The following IL23R variants were observed in gnomAD, a reference collection of about 807,000 sequenced individuals.
The protein encoded by IL23R is interleukin 23 receptor, also known as interleukin-23 receptor.
IL23R carries 34 observed loss-of-function variants against 56.9 expected under a neutral mutation model. The observed-to-expected ratio is 0.60, with a 90% CI of 0.45 to 0.80. IL23R has a LOEUF of 0.80. Among genes scored for constraint, IL23R ranks in the 30% least tolerant of loss-of-function variants. The probability of loss-of-function intolerance (pLI) is 0.00; values close to 1 mark genes in which losing one functional copy is unlikely to be tolerated. For synonymous variants in IL23R, 230 were observed against 249.2 expected, an observed-to-expected ratio of 0.92 and a Z score of 0.73; for missense variants, 635 against 730.0, an observed-to-expected ratio of 0.87 and a Z score of 1.50.
chr1:67,174,263 C>A (rs903417831), intron 3 of IL23R, among the ~76,000 whole-genome samples: 11 of 151,928 alleles, frequency 7.2e-5, no homozygotes, highest in African/African-American at 2.7e-4. Flanking sequence ...CCAATTTGTA[C>A]TTCCACCAGA....
rs377517681 is a variant in IL23R at position 67,148,141 on chromosome 1, C to CT, written c.-634+8980_-634+8981insT. On this transcript the variant is annotated intron_variant, in intron 1 of 10. Coordinates refer to the IL23R transcript ENST00000637002. ...GGCGAGCCTCTAGCCCGATCCGCAG[C>CT]GGCGATGGGCGCCTCGCTGGGTCAG... is the stretch of plus-strand genomic sequence containing the variant. Among the ~76,000 whole-genome samples, 561 of 152,380 alleles carry CT rather than the reference C, an allele frequency of 3.7e-3. 3 individuals are homozygous for CT. The highest frequency in any genetic ancestry group is 0.013 in the African/African-American group (541 of 41,602).
At chr1:67,188,397 A>C (rs141947126) in intron 4 of IL23R, among the ~76,000 whole-genome samples, 13 of 152,328 alleles carry the variant, frequency 8.5e-5, no homozygotes, top group African/African-American at 3.1e-4. Context: ...AGGGCATTGT[A>C]AATGGAGTTG....
At chr1:67,147,863 C>A (rs1386790468) in intron 1 of IL23R, among the ~76,000 whole-genome samples, 1 of 152,170 alleles carries the variant, frequency 6.6e-6, no homozygotes, top group Admixed American at 6.5e-5. Flanking sequence ...CCCGACATCC[C>A]TTTGTTACTG....
intron 5 of IL23R, among the ~76,000 whole-genome samples, chr1:67,201,316 G>A (rs1648616479): frequency 6.6e-6 from 1 of 151,632 alleles, no homozygotes; most frequent in African/African-American, 2.4e-5. Flanking sequence ...GCTGAGGCAG[G>A]AGAATTGCTT....
rs545141199 is a variant in IL23R at position 67,219,691 on chromosome 1, C to A, written c.916C>A (p.Pro306Thr). 4 of 1,613,984 alleles carry A rather than the reference C, an allele frequency of 2.5e-6. No homozygotes were observed. Among genetic ancestry groups the A allele is most frequent in the Non-Finnish European group, 3.4e-6 (4 of 1,179,904 alleles). The change falls in exon 7 of 11, where the codon CCT (proline) becomes ACT (threonine). Residue 306 changes from proline (P) to threonine (T), a missense_variant. Transcript: ENST00000347310. Reference sequence around the variant, plus strand: ...AGAAACAGGCAAAAGGTACTGGCAGCCTTGGAGTTCACTGTTTTTTCATAA... The same window carrying A: ...AGAAACAGGCAAAAGGTACTGGCAGACTTGGAGTTCACTGTTTTTTCATAA... ...CQETGKRYWQ[P>T]WSSLFFHKTP...
intron 3 of IL23R, among the ~76,000 whole-genome samples, chr1:67,175,819 G>A (rs552421573): frequency 2.6e-5 from 4 of 152,258 alleles, no homozygotes; most frequent in Admixed American, 1.3e-4. Context: ...AAGGCAAAGA[G>A]GTTTCTTTTC....
chr1:67,198,627 T>C (rs1648363360), intron 4 of IL23R, among the ~76,000 whole-genome samples: 1 of 152,106 alleles, frequency 6.6e-6, no homozygotes, highest in African/African-American at 2.4e-5. Flanking sequence ...AACCTGTCAT[T>C]AGGTCCAGTC....
intron 9 of IL23R, among the ~76,000 whole-genome samples, chr1:67,250,617 T>C (rs1475251425): frequency 6.6e-6 from 1 of 152,248 alleles, no homozygotes; most frequent in Admixed American, 6.5e-5. Context: ...CATTTTTATT[T>C]CCCAAAGATT....
rs768272736 is a variant in IL23R at position 67,258,980 on chromosome 1, G to C, written c.1742G>C (p.Ser581Thr). The change falls in exon 11 of 11, where the codon AGT becomes ACT. Residue 581 changes from serine (S) to threonine (T), a missense_variant. Physicochemically the swap from Ser to Thr is moderately conservative, Grantham distance 58. Transcript: ENST00000347310. ...TTMLLENDSP[S>T]ETIPEQTLLP... ...ATGCTTTTGGAAAATGATTCACCCA[G>C]TGAAACTATTCCAGAACAGACCCTG... 1.2e-5 allele frequency: 19 copies of C among 1,613,980 alleles called. No individual in the cohort carries two copies. Among genetic ancestry groups the C allele is most frequent in the Non-Finnish European group, 1.6e-5 (19 of 1,180,006 alleles).
intron 7 of IL23R, among the ~76,000 whole-genome samples, chr1:67,233,861 T>TC (rs1257631878): frequency 6.6e-6 from 1 of 151,856 alleles, no homozygotes; most frequent in African/African-American, 2.4e-5. Context: ...GGTTTTTTTT[T>TC]TTTTTAGCAA....
chr1:67,184,578 A>AAAAT (rs201438284), intron 4 of IL23R, among the ~76,000 whole-genome samples: 1 of 9,602 alleles, frequency 1.0e-4, no homozygotes, highest in Non-Finnish European at 2.0e-4. Flanking sequence ...TAAATAAAAT[A>AAAAT]AAATAAAATA....
intron 4 of IL23R, among the ~76,000 whole-genome samples, chr1:67,189,767 A>G (rs914744788): frequency 6.6e-6 from 1 of 152,258 alleles, no homozygotes; most frequent in East Asian, 1.9e-4. Context: ...CAACATGGCG[A>G]AAAATACAAA....
Position 67,168,063 on chromosome 1 carries a change from T to C in IL23R, c.-29-29T>C. 2.5e-6 allele frequency: 3 copies of C among 1,211,370 alleles called. No individual in the cohort carries two copies. The South Asian group carries it at 3.7e-5, about 15-fold the overall frequency. The allele number at this position is 1,211,370 out of a possible 1,614,324, so 75.0% of individuals were successfully genotyped here. A position where few individuals can be genotyped will look rare whatever the true frequency, so the allele number is the denominator to read the frequency against. ...TTATTATTTTACTAAAATACTACAA[T>C]TTAAACATTTTTCATATTTTTTTTC... On this transcript the variant is annotated intron_variant, in intron 1 of 10. Coordinates refer to ENST00000347310, the MANE Select transcript of IL23R (RefSeq NM_144701.3).
intron 3 of IL23R, among the ~76,000 whole-genome samples, chr1:67,180,454 T>C (rs878964971): frequency 6.6e-6 from 1 of 152,106 alleles, no homozygotes; most frequent in Admixed American, 6.5e-5. Context: ...CTGCCTTTTT[T>C]TGTTTTCCAT....
At chr1:67,183,009 C>A (rs1438537937) in intron 4 of IL23R, 50 bp downstream of exon 4, 1 of 1,608,822 alleles carries the variant, frequency 6.2e-7, no homozygotes, top group Non-Finnish European at 8.5e-7. Context: ...CCCAGTTCAG[C>A]CAGAGCTCTG....
chr1:67,209,117 G>A (rs1328506694), intron 6 of IL23R, among the ~76,000 whole-genome samples: 1 of 152,192 alleles, frequency 6.6e-6, no homozygotes, highest in East Asian at 1.9e-4. Flanking sequence ...ATTTGGAATG[G>A]CTGTATTACC....
At chr1:67,140,546 G>C (rs1385799467) in intron 1 of IL23R, among the ~76,000 whole-genome samples, 2 of 152,104 alleles carry the variant, frequency 1.3e-5, no homozygotes, top group African/African-American at 2.4e-5. Flanking sequence ...CTGGGGAAAG[G>C]AACAGAGAAA....
intron 4 of IL23R, among the ~76,000 whole-genome samples, chr1:67,192,471 T>C (rs1647825707): frequency 6.6e-6 from 1 of 152,158 alleles, no homozygotes. Flanking sequence ...CTATTTACAG[T>C]CATTACCTAA....
intron 10 of IL23R, among the ~76,000 whole-genome samples, chr1:67,257,941 T>A (rs963861151): frequency 3.9e-5 from 6 of 152,086 alleles, no homozygotes; most frequent in African/African-American, 1.4e-4. Flanking sequence ...TGATCTCAAG[T>A]GATCTGCCTG....
Sources: gnomAD v4.1 joint callset for allele counts (sites outside exome capture counted in the v4.1 genomes callset) on GRCh38, gnomAD v4.1.1 for gene constraint, MANE v1.5 for transcripts, NCBI Gene and HGNC (gene_info 2026-07-23, HGNC 2026-07-21) for gene names.